Variants in CNTNAP5 observed in about 807,000 individuals in gnomAD.
The protein encoded by CNTNAP5 is contactin associated protein family member 5, also known as contactin-associated protein-like 5.
In CNTNAP5, 72 loss-of-function variants were observed where a neutral mutation model predicts 150.2. The ratio of observed to expected loss-of-function variants is 0.48; its 90% CI spans 0.40 to 0.58. CNTNAP5 has a LOEUF of 0.58. CNTNAP5 is among the 20% of genes least tolerant of loss of function. CNTNAP5 has a pLI of 0.00. For missense variants in CNTNAP5, 1,636 were observed against 1,626.2 expected (o/e 1.01, Z -0.10); for synonymous variants, 672 against 619.8 (o/e 1.08, Z -1.25).
chr2:124,128,152 A>G (rs369898354), intron 1 of CNTNAP5, among the ~76,000 whole-genome samples: 1 of 152,220 alleles, frequency 6.6e-6, no homozygotes, highest in East Asian at 1.9e-4. Flanking sequence ...AATTTTTACA[A>G]TCTACCCATC....
At chr2:124,869,795 G>C (rs1339178930) in intron 21 of CNTNAP5, 33 bp downstream of exon 21, 1 of 1,316,378 alleles carries the variant, frequency 7.6e-7, no homozygotes, top group African/African-American at 1.5e-5. Context: ...TTTCCAGTGG[G>C]CTTTATTAAA....
At chr2:124,873,101 A>T (rs1187914567) in intron 21 of CNTNAP5, among the ~76,000 whole-genome samples, 5 of 152,126 alleles carry the variant, frequency 3.3e-5, no homozygotes, top group Non-Finnish European at 7.4e-5. Flanking sequence ...AAGAAGGATG[A>T]TGCTGTCATC....
At chr2:124,199,178 G>T (rs1193472043) in intron 1 of CNTNAP5, among the ~76,000 whole-genome samples, 1 of 152,018 alleles carries the variant, frequency 6.6e-6, no homozygotes, top group Non-Finnish European at 1.5e-5. Context: ...TTGTTAAAGG[G>T]AAGCAAAGCT....
At chr2:124,054,387 C>T (rs150671662) in intron 1 of CNTNAP5, among the ~76,000 whole-genome samples, 7 of 152,134 alleles carry the variant, frequency 4.6e-5, no homozygotes, top group African/African-American at 1.4e-4. Context: ...CTGATGCACT[C>T]GGATCCCTAG....
intron 3 of CNTNAP5, among the ~76,000 whole-genome samples, chr2:124,307,102 G>T (rs1688712411): frequency 6.6e-6 from 1 of 152,102 alleles, no homozygotes; most frequent in Non-Finnish European, 1.5e-5. Context: ...GATGCTATTA[G>T]CCTGGATGGC....
chr2:124,773,042 T>C, intron 17 of CNTNAP5, 25 bp downstream of exon 17: 3 of 1,590,626 alleles, frequency 1.9e-6, no homozygotes, highest in Non-Finnish European at 2.6e-6. Context: ...AAGGCTCCTT[T>C]TGTGCTAAAC....
At chr2:124,365,254 T>G (rs2104720240) in intron 3 of CNTNAP5, among the ~76,000 whole-genome samples, 1 of 150,400 alleles carries the variant, frequency 6.6e-6, no homozygotes, top group Middle Eastern at 3.4e-3. Context: ...AGGTTAAGGC[T>G]GCAGTGAACC....
At chr2:124,164,966 G>T (rs1381272919) in intron 1 of CNTNAP5, among the ~76,000 whole-genome samples, 3 of 152,264 alleles carry the variant, frequency 2.0e-5, no homozygotes, top group African/African-American at 7.2e-5. Context: ...ACACATTGTG[G>T]TGGAGCAGGT....
chr2:124,451,295 A>G (rs1032473781), intron 6 of CNTNAP5, among the ~76,000 whole-genome samples: 2 of 151,702 alleles, frequency 1.3e-5, no homozygotes, highest in African/African-American at 2.4e-5. Context: ...ATAGATGTTT[A>G]ATCTCTGAGA....
intron 7 of CNTNAP5, among the ~76,000 whole-genome samples, chr2:124,495,669 G>T (rs1694126039): frequency 6.6e-6 from 1 of 152,194 alleles, no homozygotes; most frequent in African/African-American, 2.4e-5. Context: ...ATCCTTGAAG[G>T]CCTCCTTTGG....
intron 1 of CNTNAP5, among the ~76,000 whole-genome samples, chr2:124,148,176 T>G (rs913514700): frequency 4.0e-5 from 6 of 151,768 alleles, no homozygotes; most frequent in Non-Finnish European, 8.8e-5. Flanking sequence ...TTTCTAAAAT[T>G]TACAGGACAT....
chr2:124,808,891 T>C (rs1682140543), intron 19 of CNTNAP5, among the ~76,000 whole-genome samples: 1 of 151,898 alleles, frequency 6.6e-6, no homozygotes, highest in Non-Finnish European at 1.5e-5. Flanking sequence ...CTGGGCTAAA[T>C]ACGGAAATAA....
At chr2:124,058,232 G>A (rs7566987) in intron 1 of CNTNAP5, among the ~76,000 whole-genome samples, 43,469 of 151,926 alleles carry the variant, frequency 0.29, 6,580 homozygotes, top group Admixed American at 0.36. Context: ...TGTAACAATA[G>A]AATAAAGACA....
intron 1 of CNTNAP5, among the ~76,000 whole-genome samples, chr2:124,086,029 C>T (rs915649923): frequency 2.0e-5 from 3 of 152,058 alleles, no homozygotes; most frequent in South Asian, 2.1e-4. Context: ...TGCTGATATT[C>T]TGTCTCCTTG....
chr2:124,205,054 C>T (rs1345168771), intron 1 of CNTNAP5, among the ~76,000 whole-genome samples: 1 of 152,122 alleles, frequency 6.6e-6, no homozygotes, highest in Non-Finnish European at 1.5e-5. Context: ...AGTTGTAGCC[C>T]TAGAACTAGT....
chr2:124,747,439 CAT>C, intron 14 of CNTNAP5, 54 bp downstream of exon 14: 2 of 1,587,118 alleles, frequency 1.3e-6, no homozygotes, highest in Non-Finnish European at 1.7e-6. Flanking sequence ...TTAATTGATG[CAT>C]AAAATTCCCC....
intron 12 of CNTNAP5, among the ~76,000 whole-genome samples, chr2:124,647,001 G>C (rs1678215973): frequency 6.6e-6 from 1 of 152,116 alleles, no homozygotes; most frequent in Non-Finnish European, 1.5e-5. Flanking sequence ...TTTAATAAAA[G>C]GAAGTGATTT....
intron 1 of CNTNAP5, among the ~76,000 whole-genome samples, chr2:124,126,282 C>G (rs551263805): frequency 6.6e-6 from 1 of 151,794 alleles, no homozygotes; most frequent in Non-Finnish European, 1.5e-5. Flanking sequence ...AGAAGCACCT[C>G]TATGCAAATA....
At chr2:124,598,656 C>G (rs2104969775) in intron 11 of CNTNAP5, among the ~76,000 whole-genome samples, 1 of 151,310 alleles carries the variant, frequency 6.6e-6, no homozygotes, top group African/African-American at 2.4e-5. Flanking sequence ...CCTCCTTGAG[C>G]TGTGGTGGGC....
Sources: gnomAD v4.1 joint callset for allele counts (sites outside exome capture counted in the v4.1 genomes callset) on GRCh38, gnomAD v4.1.1 for gene constraint, MANE v1.5 for transcripts, NCBI Gene and HGNC (gene_info 2026-07-23, HGNC 2026-07-21) for gene names.